The following PDE4D variants were observed in gnomAD, a reference collection of about 807,000 sequenced individuals.
The protein encoded by PDE4D is phosphodiesterase 4D, also known as 3',5'-cyclic-AMP phosphodiesterase 4D.
Under a neutral mutation model 87.4 loss-of-function variants are expected in PDE4D, and 24 were observed. The ratio of observed to expected loss-of-function variants is 0.27; its 90% confidence interval spans 0.20 to 0.39. The LOEUF is 0.39. Among genes scored for constraint, PDE4D ranks in the 10% least tolerant of loss-of-function variants. The pLI, the probability that PDE4D is intolerant of heterozygous loss-of-function variation, is 1.00. For synonymous variants in PDE4D, 384 were observed against 383.2 expected, an observed-to-expected ratio of 1.00 and a Z score of -0.02; for missense variants, 714 against 1,041.0, an observed-to-expected ratio of 0.69 and a Z score of 4.32.
chr5:60,159,513 T>G (rs1407195532), intron 2 of PDE4D, among the ~76,000 whole-genome samples: 1 of 152,184 alleles, frequency 6.6e-6, no homozygotes, highest in Non-Finnish European at 1.5e-5. Flanking sequence ...GCAGTGAGTT[T>G]GTTTGCACCT....
chr5:60,259,322 G>A (rs549119219), intron 1 of PDE4D, among the ~76,000 whole-genome samples: 192 of 152,180 alleles, frequency 1.3e-3, no homozygotes, highest in African/African-American at 4.4e-3. Flanking sequence ...TGTACAAGGT[G>A]AACGATGAAG....
intron 3 of PDE4D, among the ~76,000 whole-genome samples, chr5:59,952,178 T>C (rs1011113658): frequency 6.6e-6 from 1 of 152,170 alleles, no homozygotes; most frequent in Non-Finnish European, 1.5e-5. Context: ...CCTGCCACCA[T>C]GTAAGACATG....
chr5:59,769,700 C>G (rs545824816), intron 1 of PDE4D, among the ~76,000 whole-genome samples: 1 of 152,276 alleles, frequency 6.6e-6, no homozygotes, highest in East Asian at 1.9e-4. Context: ...GAAACTCAAA[C>G]CTTTGCATAG....
chr5:59,337,370 C>T (rs1582034795), intron 1 of PDE4D, among the ~76,000 whole-genome samples: 1 of 132,706 alleles, frequency 7.5e-6, no homozygotes, highest in South Asian at 2.8e-4. Flanking sequence ...GTCTCGCTGT[C>T]GCCCAGGCTG....
intron 1 of PDE4D, among the ~76,000 whole-genome samples, chr5:59,864,774 C>T (rs1348211775): frequency 6.6e-6 from 1 of 152,158 alleles, no homozygotes; most frequent in Non-Finnish European, 1.5e-5. Context: ...ATAACGATTA[C>T]AGACATGCCC....
At chr5:59,892,785 C>A (rs1751148786) in intron 1 of PDE4D, among the ~76,000 whole-genome samples, 1 of 152,056 alleles carries the variant, frequency 6.6e-6, no homozygotes, top group Admixed American at 6.5e-5. Context: ...TTCTCTTCTT[C>A]TCCACCCAGA....
At chr5:59,635,118 A>G (rs1561372468) in intron 1 of PDE4D, among the ~76,000 whole-genome samples, 1 of 152,216 alleles carries the variant, frequency 6.6e-6, no homozygotes, top group Non-Finnish European at 1.5e-5. Flanking sequence ...ACCTCTACAC[A>G]AATAAACTAG....
chr5:60,213,786 G>T (rs1743530616), intron 1 of PDE4D, among the ~76,000 whole-genome samples: 1 of 151,982 alleles, frequency 6.6e-6, no homozygotes, highest in South Asian at 2.1e-4. Flanking sequence ...CATTTTCCTA[G>T]ACCTCCCTCT....
chr5:60,208,543 C>G (rs184497743), intron 1 of PDE4D, among the ~76,000 whole-genome samples: 227 of 152,224 alleles, frequency 1.5e-3, no homozygotes, highest in African/African-American at 5.1e-3. Flanking sequence ...CAATGGCTCC[C>G]CCTTAGAGGT....
Position 60,466,122 on chromosome 5 carries a change from C to T in PDE4D, c.-90+21820G>A, listed in dbSNP as rs1287450332. ...ATATCATTTCTTTTGCTATTGTTAT[C>T]CATTGTTTGGGTGATCTGCCATTGC... On this transcript the variant is annotated intron_variant, in intron 1 of 16. Coordinates refer to the PDE4D transcript ENST00000502484. Among the ~76,000 whole-genome samples the T allele has an allele frequency of 2.0e-5, 3 of 152,200 alleles. No homozygotes were observed. The East Asian group carries it at 5.8e-4, about 29-fold the overall frequency.
chr5:59,473,312 C>T (rs10514863), intron 1 of PDE4D, among the ~76,000 whole-genome samples: 29,550 of 151,706 alleles, frequency 0.19, 3,056 homozygotes, highest in Admixed American at 0.22. Flanking sequence ...TTTCGAGTGG[C>T]CAGAATAGAG....
intron 3 of PDE4D, among the ~76,000 whole-genome samples, chr5:59,925,061 G>C (rs1198908665): frequency 1.3e-5 from 2 of 151,310 alleles, no homozygotes; most frequent in African/African-American, 4.9e-5. Context: ...TGTAGTCCCA[G>C]CTACTCAGGA....
intron 1 of PDE4D, among the ~76,000 whole-genome samples, chr5:60,474,580 C>T (rs1748163403): frequency 6.6e-6 from 1 of 152,102 alleles, no homozygotes; most frequent in Non-Finnish European, 1.5e-5. Context: ...CTTTATAACC[C>T]TTGTCCCTTT....
chr5:59,370,968 G>A (rs1396179824), intron 1 of PDE4D, among the ~76,000 whole-genome samples: 1 of 152,130 alleles, frequency 6.6e-6, no homozygotes, highest in Non-Finnish European at 1.5e-5. Flanking sequence ...CGTGGCTTGT[G>A]GGCTACATGG....
chr5:60,476,074 G>C (rs540037279), intron 1 of PDE4D, among the ~76,000 whole-genome samples: 43 of 152,122 alleles, frequency 2.8e-4, no homozygotes, highest in Admixed American at 2.1e-3. Flanking sequence ...AGAGATTTTT[G>C]CTATTTCTGC....
intron 1 of PDE4D, among the ~76,000 whole-genome samples, chr5:59,840,859 T>C (rs1375537916): frequency 6.6e-6 from 1 of 152,068 alleles, no homozygotes; most frequent in African/African-American, 2.4e-5. Flanking sequence ...GGTAATTCCA[T>C]TTTGGAAATA....
At chr5:60,476,262 G>A (rs1172056011) in intron 1 of PDE4D, among the ~76,000 whole-genome samples, 1 of 152,140 alleles carries the variant, frequency 6.6e-6, no homozygotes, top group East Asian at 1.9e-4. Flanking sequence ...GATGTCACCG[G>A]AAGTCTGTTG....
chr5:60,390,302 A>G (rs568692633), intron 1 of PDE4D, among the ~76,000 whole-genome samples: 2 of 152,310 alleles, frequency 1.3e-5, no homozygotes, highest in African/African-American at 4.8e-5. Context: ...CTGCAGTAGT[A>G]TATTAAATAC....
At chr5:59,582,707 A>G (rs796637932) in intron 1 of PDE4D, among the ~76,000 whole-genome samples, 4 of 152,328 alleles carry the variant, frequency 2.6e-5, no homozygotes, top group African/African-American at 9.6e-5. Flanking sequence ...AGAAATTGAT[A>G]CCTGGAAAAG....
Sources: gnomAD v4.1 joint callset for allele counts (sites outside exome capture counted in the v4.1 genomes callset) on GRCh38, gnomAD v4.1.1 for gene constraint, MANE v1.5 for transcripts, NCBI Gene and HGNC (gene_info 2026-07-23, HGNC 2026-07-21) for gene names.